ENTREP2: variants seen among roughly 807,000 people sequenced by gnomAD.
ENTREP2 encodes endosomal transmembrane epsin interactor 2.
the ENTREP2 span, among the ~76,000 whole-genome samples, chr15:29,223,676 C>G: frequency 6.6e-6 from 1 of 152,130 alleles, no homozygotes; most frequent in Admixed American, 6.5e-5. Context: ...CAATGCGGGC[C>G]CAGTAGAACT....
chr15:29,214,661 C>T, the ENTREP2 span, among the ~76,000 whole-genome samples: 1 of 144,836 alleles, frequency 6.9e-6, no homozygotes, highest in African/African-American at 2.6e-5. Context: ...ACGTTGTGCA[C>T]ATGTACCCTA....
At chr15:29,617,105 AG>A in the ENTREP2 span, among the ~76,000 whole-genome samples, 2 of 152,210 alleles carry the variant, frequency 1.3e-5, no homozygotes, top group South Asian at 4.1e-4. Flanking sequence ...GATTTATTAT[AG>A]GAACTGGCTC....
At chr15:29,318,797 G>A in the ENTREP2 span, among the ~76,000 whole-genome samples, 284 of 152,238 alleles carry the variant, frequency 1.9e-3, 1 homozygote, top group African/African-American at 6.6e-3. Flanking sequence ...GCTCTCCAAG[G>A]TAGGCTTATA....
the ENTREP2 span, among the ~76,000 whole-genome samples, chr15:29,177,646 CT>C: frequency 1.8e-4 from 27 of 152,132 alleles, no homozygotes; most frequent in Non-Finnish European, 3.5e-4. Context: ...TGGCCAGCAT[CT>C]GGACTCGTGA....
the ENTREP2 span, among the ~76,000 whole-genome samples, chr15:29,156,726 G>A: frequency 2.0e-5 from 3 of 152,156 alleles, no homozygotes; most frequent in Admixed American, 2.0e-4. Flanking sequence ...AGGGGAGACC[G>A]GGATGAGGGT....
chr15:29,227,860 A>G, the ENTREP2 span, among the ~76,000 whole-genome samples: 1 of 152,216 alleles, frequency 6.6e-6, no homozygotes, highest in Admixed American at 6.5e-5. Context: ...GAAAATGAAG[A>G]ACACATTTCT....
chr15:29,264,896 T>G, the ENTREP2 span: 1 of 152,316 alleles, frequency 6.6e-6, no homozygotes, highest in Admixed American at 6.5e-5. Flanking sequence ...TTTAAAAATT[T>G]TATCAACAAC....
the ENTREP2 span, among the ~76,000 whole-genome samples, chr15:29,308,465 G>GC: frequency 6.6e-6 from 1 of 152,188 alleles, no homozygotes; most frequent in Admixed American, 6.5e-5. Context: ...CAGAGACTCG[G>GC]CACAGTGCCA....
chr15:29,280,223 G>C, the ENTREP2 span, among the ~76,000 whole-genome samples: 1 of 152,210 alleles, frequency 6.6e-6, no homozygotes, highest in African/African-American at 2.4e-5. Flanking sequence ...GCTCAGCATA[G>C]TGACAACTCC....
chr15:29,236,358 T>C, the ENTREP2 span, among the ~76,000 whole-genome samples: 1 of 152,008 alleles, frequency 6.6e-6, no homozygotes, highest in Non-Finnish European at 1.5e-5. Flanking sequence ...ATTAAGGAAA[T>C]TGGGAAGCCA....
the ENTREP2 span, among the ~76,000 whole-genome samples, chr15:29,523,837 G>C: frequency 4.6e-5 from 7 of 151,898 alleles, no homozygotes; most frequent in Non-Finnish European, 7.4e-5. Context: ...AGCCACATGT[G>C]AAAGAATAAA....
chr15:29,258,697 T>C, the ENTREP2 span, among the ~76,000 whole-genome samples: 1 of 152,162 alleles, frequency 6.6e-6, no homozygotes, highest in Admixed American at 6.5e-5. Context: ...TGTTTTGTCT[T>C]CTCAAACTGA....
the ENTREP2 span, among the ~76,000 whole-genome samples, chr15:29,272,747 T>C: frequency 3.3e-5 from 5 of 152,292 alleles, no homozygotes; most frequent in South Asian, 2.1e-4. Flanking sequence ...ATATGCGCAA[T>C]TGCACTTCAT....
chr15:29,452,924 T>C, the ENTREP2 span: 1 of 152,000 alleles, frequency 6.6e-6, no homozygotes, highest in Non-Finnish European at 1.5e-5. Context: ...CGGCAGGGGA[T>C]GCAGGACAAG....
chr15:29,242,385 T>C, the ENTREP2 span, among the ~76,000 whole-genome samples: 1 of 152,184 alleles, frequency 6.6e-6, no homozygotes, highest in Non-Finnish European at 1.5e-5. Flanking sequence ...ATTTTTTAAA[T>C]TAAAAAACGT....
chr15:29,200,615 A>G, the ENTREP2 span, among the ~76,000 whole-genome samples: 1 of 151,782 alleles, frequency 6.6e-6, no homozygotes, highest in Non-Finnish European at 1.5e-5. Context: ...CTGGTGTGCA[A>G]TTGCGTGATC....
chr15:29,168,580 T>C, the ENTREP2 span, among the ~76,000 whole-genome samples: 1 of 152,224 alleles, frequency 6.6e-6, no homozygotes, highest in Admixed American at 6.5e-5. Flanking sequence ...GCTTAAATAC[T>C]GATCCTACAA....
the ENTREP2 span, among the ~76,000 whole-genome samples, chr15:29,657,562 T>A: frequency 6.6e-5 from 10 of 150,778 alleles, no homozygotes; most frequent in African/African-American, 1.7e-4. Flanking sequence ...AGTGCCCTTT[T>A]TTCAATCCTC....
At chr15:29,142,889 A>G in the ENTREP2 span, among the ~76,000 whole-genome samples, 652 of 152,348 alleles carry the variant, frequency 4.3e-3, 4 homozygotes, top group African/African-American at 0.015. Context: ...ATGACATTAC[A>G]GACACTTAAA....
Sources: allele counts gnomAD v4.1 joint callset (sites outside exome capture counted in the v4.1 genomes callset), GRCh38; gene constraint gnomAD v4.1.1; transcripts MANE v1.5; gene names NCBI Gene and HGNC (gene_info 2026-07-23, HGNC 2026-07-21).